The following MRPS6 variants were observed in gnomAD, a reference collection of about 807,000 sequenced individuals.
MRPS6 encodes small ribosomal subunit protein bS6m.
In MRPS6, 6 loss-of-function variants were observed where a neutral mutation model predicts 13.1. The ratio of observed to expected loss-of-function variants is 0.46; its 90% CI spans 0.25 to 0.91. MRPS6 has a LOEUF of 0.91. Ranked by LOEUF, MRPS6 falls within the 40% of genes least tolerant of loss-of-function variation. The pLI is 0.18. For synonymous variants in MRPS6, 61 were observed against 56.5 expected (o/e 1.08, Z -0.36); for missense variants, 164 against 155.6 (o/e 1.05, Z -0.29).
At chr21:34,103,570 A>AG in intron 1 of MRPS6, 2 of 1,000,238 alleles carry the variant, frequency 2.0e-6, no homozygotes, top group Non-Finnish European at 2.4e-6. Context: ...GTCCATAGAA[A>AG]GCACAAAATC....
At position 34,099,637 on chromosome 21, in the gene MRPS6, C is replaced by G. The variant is rs889293252; in HGVS notation, c.46-25704C>G. ...TTCTCCCTTTATTTAACATTGAGTC[C>G]TAGTAGTTTGGAGAATTAGGGTCCC... On this transcript the variant is annotated intron_variant, in intron 1 of 2. Coordinates refer to ENST00000399312, the MANE Select transcript of MRPS6 (RefSeq NM_032476.4). 2.5e-5 allele frequency: 25 copies of G among 997,740 alleles called. No homozygotes were observed. The African/African-American group carries it at 4.2e-4, about 17-fold the overall frequency. The allele number at this position is 997,740 out of a possible 1,614,324, so 61.8% of individuals were successfully genotyped here.
intron 1 of MRPS6, chr21:34,105,270 A>G (rs1979426937): frequency 1.0e-6 from 1 of 1,000,084 alleles, no homozygotes; most frequent in Non-Finnish European, 1.2e-6. Context: ...CCATGTTGGC[A>G]ATCATGTATG....
intron 1 of MRPS6, chr21:34,103,545 T>C (rs1979342910): frequency 1.0e-6 from 1 of 1,000,168 alleles, no homozygotes; most frequent in African/African-American, 1.7e-5. Flanking sequence ...TTATATTCCA[T>C]GATAGAAAGC....
At chr21:34,139,587 C>CT (rs1368185176) in intron 2 of MRPS6, among the ~76,000 whole-genome samples, 10 of 151,756 alleles carry the variant, frequency 6.6e-5, no homozygotes, top group African/African-American at 1.9e-4. Context: ...AAATTTAATG[C>CT]TTTTTTTTGA....
intron 1 of MRPS6, chr21:34,097,596 G>A: frequency 8.1e-7 from 1 of 1,242,118 alleles, no homozygotes. Flanking sequence ...TTTAAATTTT[G>A]CATACCAAAG....
intron 1 of MRPS6, among the ~76,000 whole-genome samples, chr21:34,114,459 G>A (rs915338261): frequency 1.3e-5 from 2 of 152,112 alleles, no homozygotes; most frequent in African/African-American, 2.4e-5. Context: ...ACTAGAGTGC[G>A]GTTCTCACAT....
At position 34,084,970 on chromosome 21, in the gene MRPS6, CCTTT is replaced by C. The variant is rs559461404; in HGVS notation, c.45+11229_45+11232del. Reference sequence around the variant, plus strand: ...TGAGAGTTGCAGACATCTTGACATACCTTTCTTAGGAATAAGGGCCTTCCTCCTA... The same window carrying C: ...TGAGAGTTGCAGACATCTTGACATACCTTAGGAATAAGGGCCTTCCTCCTA... On this transcript the variant is annotated intron_variant, in intron 1 of 2. Transcript: ENST00000399312. 1.7e-3 allele frequency among the ~76,000 whole-genome samples: 260 copies of C among 152,192 alleles called. 2 individuals carry two copies. The highest frequency in any genetic ancestry group is 6.0e-3 in the African/African-American group (251 of 41,516).
At chr21:34,080,450 C>T (rs762903437) in intron 1 of MRPS6, among the ~76,000 whole-genome samples, 8 of 152,042 alleles carry the variant, frequency 5.3e-5, no homozygotes, top group African/African-American at 1.4e-4. Flanking sequence ...TCTTTGGTGC[C>T]GGCATCATGC....
At chr21:34,140,721 T>C (rs150068294) in intron 2 of MRPS6, among the ~76,000 whole-genome samples, 303 of 152,364 alleles carry the variant, frequency 2.0e-3, no homozygotes, top group Non-Finnish European at 3.4e-3. Context: ...GCTGTTCTTA[T>C]ATGTTGAAGC....
chr21:34,087,452 A>G (rs980147014), intron 1 of MRPS6, among the ~76,000 whole-genome samples: 1 of 152,262 alleles, frequency 6.6e-6, no homozygotes, highest in African/African-American at 2.4e-5. Flanking sequence ...AGGACACATC[A>G]GGGAACAACA....
intron 1 of MRPS6, among the ~76,000 whole-genome samples, chr21:34,115,365 T>A (rs964347617): frequency 1.3e-5 from 2 of 152,212 alleles, no homozygotes; most frequent in Non-Finnish European, 2.9e-5. Flanking sequence ...TCCACATCCC[T>A]TGGCTTCATT....
At chr21:34,103,677 G>A (rs1023423350) in intron 1 of MRPS6, 2 of 1,000,060 alleles carry the variant, frequency 2.0e-6, no homozygotes, top group Admixed American at 1.2e-4. Context: ...CCAGGTATTT[G>A]TCTCAGAGTT....
intron 1 of MRPS6, among the ~76,000 whole-genome samples, chr21:34,093,270 A>G (rs984471250): frequency 7.9e-5 from 12 of 151,136 alleles, no homozygotes; most frequent in Non-Finnish European, 1.5e-4. Flanking sequence ...TTCTCTGGCA[A>G]TCAATCTTAT....
intron 1 of MRPS6, chr21:34,104,913 A>G (rs1362056684): frequency 1.3e-5 from 13 of 1,000,092 alleles, no homozygotes; most frequent in Middle Eastern, 1.0e-3. Flanking sequence ...CCTTTCATCT[A>G]TAATTTCATG....
intron 2 of MRPS6, among the ~76,000 whole-genome samples, chr21:34,139,469 A>G (rs140873776): frequency 1.5e-4 from 23 of 152,344 alleles, no homozygotes; most frequent in Middle Eastern, 3.4e-3. Flanking sequence ...TTTAAACTAC[A>G]CATATTTCGT....
intron 2 of MRPS6, among the ~76,000 whole-genome samples, chr21:34,129,577 C>T (rs528977412): frequency 1.7e-4 from 26 of 152,276 alleles, no homozygotes; most frequent in Admixed American, 9.8e-4. Flanking sequence ...CTTCTATTTA[C>T]GGGTAAGCAG....
intron 1 of MRPS6, among the ~76,000 whole-genome samples, chr21:34,085,507 G>A (rs1011142784): frequency 6.6e-6 from 1 of 151,878 alleles, no homozygotes; most frequent in Non-Finnish European, 1.5e-5. Flanking sequence ...TTTAGCATCT[G>A]TTGGTGACTG....
intron 1 of MRPS6, chr21:34,103,482 G>T: frequency 1.0e-6 from 1 of 998,872 alleles, no homozygotes; most frequent in Non-Finnish European, 1.2e-6. Flanking sequence ...TAATTTTGTT[G>T]TGTTTCCATT....
chr21:34,074,549 CA>C (rs763936723), intron 1 of MRPS6, among the ~76,000 whole-genome samples: 35 of 152,202 alleles, frequency 2.3e-4, no homozygotes, highest in Non-Finnish European at 4.7e-4. Context: ...TGGCCAAGGA[CA>C]GGGGCCCGCG....
Sources: allele counts gnomAD v4.1 joint callset (sites outside exome capture counted in the v4.1 genomes callset), GRCh38; gene constraint gnomAD v4.1.1; transcripts MANE v1.5; gene names NCBI Gene and HGNC (gene_info 2026-07-23, HGNC 2026-07-21).